MEIS2: variants seen among roughly 807,000 people sequenced by gnomAD.
MEIS2 encodes the protein Meis homeobox 2.
Under a neutral mutation model 58.6 loss-of-function variants are expected in MEIS2, and 9 were observed. The observed-to-expected ratio is 0.15, with a 90% CI of 0.09 to 0.27. The LOEUF is 0.27. Among genes scored for constraint, MEIS2 ranks in the 10% least tolerant of loss-of-function variants. The probability of loss-of-function intolerance (pLI) is 1.00; values close to 1 mark genes in which losing one functional copy is unlikely to be tolerated. For missense variants in MEIS2, 427 were observed against 635.0 expected (o/e 0.67, Z 3.52); for synonymous variants, 221 against 228.4 (o/e 0.97, Z 0.29).
intron 8 of MEIS2, among the ~76,000 whole-genome samples, chr15:36,976,376 G>T (rs1039978476): frequency 6.6e-6 from 1 of 151,806 alleles, no homozygotes; most frequent in Non-Finnish European, 1.5e-5. Flanking sequence ...GAGCCACCGC[G>T]CCTGGCCTAT....
At chr15:36,982,620 C>T (rs111253103) in intron 8 of MEIS2, among the ~76,000 whole-genome samples, 7 of 152,238 alleles carry the variant, frequency 4.6e-5, no homozygotes, top group African/African-American at 1.7e-4. Context: ...CATGGGAATG[C>T]AGATATTTCT....
Position 37,100,309 on chromosome 15 carries a change from CTCGCTCTCTT to C in MEIS2, c.-853_-844del, listed in dbSNP as rs1448592011. On this transcript the variant is annotated 5_prime_UTR_variant, in exon 1 of 12. Transcript: ENST00000561208. ...GCTCGCTCTCTCGCGCTCGCTCTCT[CTCGCTCTCTT>C]TCTCTCTCTGGGAGATGAGTGAGTG... The C allele has an allele frequency of 2.0e-5, 3 of 152,566 alleles. No individual in the cohort carries two copies. Among genetic ancestry groups the C allele is most frequent in the African/African-American group, 7.2e-5 (3 of 41,386 alleles). The allele number at this position is 152,566 out of a possible 1,614,324, so 9.5% of individuals were successfully genotyped here.
At chr15:36,936,261 C>A (rs1391712186) in intron 9 of MEIS2, among the ~76,000 whole-genome samples, 1 of 118,194 alleles carries the variant, frequency 8.5e-6, no homozygotes, top group African/African-American at 3.8e-5. Flanking sequence ...GTGGTGCGAT[C>A]TCGGCTCACT....
At chr15:37,042,180 G>A (rs944231190) in intron 7 of MEIS2, among the ~76,000 whole-genome samples, 6 of 152,200 alleles carry the variant, frequency 3.9e-5, no homozygotes, top group African/African-American at 1.4e-4. Context: ...AACCATCCAG[G>A]CAAAAAGATT....
chr15:36,967,807 T>C (rs2059405608), intron 8 of MEIS2, among the ~76,000 whole-genome samples: 1 of 152,226 alleles, frequency 6.6e-6, no homozygotes, highest in Admixed American at 6.5e-5. Context: ...CCCCTTTTTC[T>C]ATACACTGTG....
Position 37,047,801 on chromosome 15 carries a change from T to G in MEIS2, c.755-10842A>C, listed in dbSNP as rs985894016. Among the ~76,000 whole-genome samples, 4 of 152,262 alleles carry G rather than the reference T, an allele frequency of 2.6e-5. No individual in the cohort carries two copies. The South Asian group carries it at 8.3e-4, about 32-fold the overall frequency. On this transcript the variant is annotated intron_variant, in intron 7 of 11. Coordinates refer to ENST00000561208, the MANE Select transcript of MEIS2 (RefSeq NM_170675.5). The stretch of plus-strand genomic sequence containing the variant: ...GTTTCAGTACAAATTGTGAAAATTA[T>G]GCAAATAACAATTTTGGCACCTTTG...
chr15:36,900,260 G>GA (rs1222904354), intron 9 of MEIS2, among the ~76,000 whole-genome samples: 2 of 151,756 alleles, frequency 1.3e-5, no homozygotes, highest in East Asian at 1.9e-4. Context: ...ATTTCACTTA[G>GA]AAAAAAAATT....
Position 37,068,111 on chromosome 15 carries a change from C to T in MEIS2, c.754+15660G>A, listed in dbSNP as rs1890202278. Among the ~76,000 whole-genome samples, 3 of 152,144 alleles carry T rather than the reference C, an allele frequency of 2.0e-5. No individual in the cohort carries two copies. In the South Asian group the frequency reaches 6.2e-4, roughly 32 times the overall value. Reference sequence around the variant, plus strand: ...CATTTTAGAAATGAGGAAATTTAGGCTTCGAAGAATTAAATCAGTCACCAG... The same window carrying T: ...CATTTTAGAAATGAGGAAATTTAGGTTTCGAAGAATTAAATCAGTCACCAG... On this transcript the variant is annotated intron_variant, in intron 7 of 11. Transcript: ENST00000561208.
chr15:37,016,154 T>A (rs2141654628), intron 8 of MEIS2, among the ~76,000 whole-genome samples: 1 of 152,206 alleles, frequency 6.6e-6, no homozygotes, highest in Admixed American at 6.5e-5. Context: ...GCTCTTCCCC[T>A]CCCTGAAACA....
At chr15:36,998,692 C>G (rs1395146364) in intron 8 of MEIS2, among the ~76,000 whole-genome samples, 1 of 152,134 alleles carries the variant, frequency 6.6e-6, no homozygotes, top group African/African-American at 2.4e-5. Context: ...TGTTTCAACC[C>G]ATTCCAAACT....
intron 8 of MEIS2, among the ~76,000 whole-genome samples, chr15:36,964,878 G>C (rs184246728): frequency 6.6e-6 from 1 of 152,248 alleles, no homozygotes; most frequent in Admixed American, 6.5e-5. Context: ...TGGAAGGAGG[G>C]AGAGAGAACA....
intron 7 of MEIS2, among the ~76,000 whole-genome samples, chr15:37,076,068 C>T (rs925836987): frequency 6.6e-6 from 1 of 151,784 alleles, no homozygotes; most frequent in African/African-American, 2.4e-5. Context: ...TCAAGACTAC[C>T]GAGGGATAAA....
At chr15:37,043,777 T>A (rs1459104160) in intron 7 of MEIS2, among the ~76,000 whole-genome samples, 3 of 138,922 alleles carry the variant, frequency 2.2e-5, no homozygotes, top group African/African-American at 8.2e-5. Flanking sequence ...AACCTCCACC[T>A]CCCTGGTTCA....
intron 8 of MEIS2, among the ~76,000 whole-genome samples, chr15:36,964,593 A>G (rs981074051): frequency 1.3e-5 from 2 of 152,188 alleles, no homozygotes; most frequent in African/African-American, 4.8e-5. Context: ...ATATATTTCT[A>G]TTAGCCCATA....
chr15:37,092,868 C>T (rs1893717266), intron 6 of MEIS2, among the ~76,000 whole-genome samples: 1 of 151,648 alleles, frequency 6.6e-6, no homozygotes. Context: ...TCCTCATTCA[C>T]CAACTGTTAA....
intron 8 of MEIS2, among the ~76,000 whole-genome samples, chr15:36,954,570 C>A (rs1168317237): frequency 2.0e-5 from 3 of 151,226 alleles, no homozygotes; most frequent in Non-Finnish European, 4.4e-5. Context: ...ATGAGATATT[C>A]TCTTGCATTG....
chr15:36,982,223 GT>G (rs1459252471), intron 8 of MEIS2, among the ~76,000 whole-genome samples: 1 of 152,038 alleles, frequency 6.6e-6, no homozygotes, highest in Non-Finnish European at 1.5e-5. Flanking sequence ...TGAATTTCAA[GT>G]GTACAATACA....
chr15:37,021,481 T>A (rs2061525788), intron 8 of MEIS2, among the ~76,000 whole-genome samples: 1 of 152,256 alleles, frequency 6.6e-6, no homozygotes, highest in Non-Finnish European at 1.5e-5. Context: ...GCCTGTCTAA[T>A]ATCTTGCCTG....
intron 1 of MEIS2, 48 bp from the exon 2 acceptor site, chr15:37,098,247 C>T (rs1247184762): frequency 2.7e-6 from 4 of 1,479,848 alleles, no homozygotes; most frequent in Non-Finnish European, 3.6e-6. Flanking sequence ...TGAGGGAGAA[C>T]AGAGGAGGGG....
Sources: gnomAD v4.1 joint callset for allele counts (sites outside exome capture counted in the v4.1 genomes callset) on GRCh38, gnomAD v4.1.1 for gene constraint, MANE v1.5 for transcripts, NCBI Gene and HGNC (gene_info 2026-07-23, HGNC 2026-07-21) for gene names.